The following BANP variants were observed in gnomAD, a reference collection of about 807,000 sequenced individuals.
The protein encoded by BANP is BTG3 associated nuclear protein.
In BANP, 11 loss-of-function variants were observed where a neutral mutation model predicts 68.1. The observed-to-expected ratio is 0.16, with a 90% confidence interval of 0.10 to 0.27. The LOEUF (loss-of-function observed/expected upper bound fraction) is 0.27. Among genes scored for constraint, BANP ranks in the 10% least tolerant of loss-of-function variants. The pLI is 1.00. For synonymous variants in BANP, 329 were observed against 303.2 expected (o/e 1.09, Z -0.88); for missense variants, 504 against 722.7 (o/e 0.70, Z 3.47).
At chr16:88,008,221 C>T (rs1268495179) in intron 6 of BANP, among the ~76,000 whole-genome samples, 2 of 152,148 alleles carry the variant, frequency 1.3e-5, no homozygotes, top group African/African-American at 4.8e-5. Context: ...GATCCATCAT[C>T]AGTTGATGGG....
In BANP at chr16:87,961,411, C is replaced by CCCCCT. The variant is rs1555533474; in HGVS notation, c.-69+9900_-69+9901insTCCCC. On this transcript the variant is annotated intron_variant, in intron 1 of 13. Transcript: ENST00000682872. ...ACTCCTGGACTCACAGAATCTGCAC[C>CCCCCT]CCCCCGGGCCTCCCAAAGTGCTGGG... Among the ~76,000 whole-genome samples, 9 of 141,644 alleles carry CCCCCT rather than the reference C, an allele frequency of 6.4e-5. 2 individuals carry two copies. Among genetic ancestry groups the CCCCCT allele is most frequent in the Middle Eastern group, 7.1e-3 (2 of 282 alleles). The allele number at this position is 141,644 out of a possible 152,430, so 92.9% of individuals were successfully genotyped here. A position where few individuals can be genotyped will look rare whatever the true frequency, so the allele number is the denominator to read the frequency against.
At chr16:88,009,273 G>C (rs1183557505) in intron 6 of BANP, among the ~76,000 whole-genome samples, 1 of 152,208 alleles carries the variant, frequency 6.6e-6, no homozygotes, top group Non-Finnish European at 1.5e-5. Context: ...AGGAATATGG[G>C]AAGTGCTAAA....
intron 8 of BANP, among the ~76,000 whole-genome samples, chr16:88,031,685 AC>A (rs1265388690): frequency 6.6e-6 from 1 of 151,826 alleles, no homozygotes; most frequent in Non-Finnish European, 1.5e-5. Flanking sequence ...TTTTATTGTT[AC>A]TTTAAAAAAT....
chr16:88,001,647 A>G (rs1415422923), intron 4 of BANP, among the ~76,000 whole-genome samples: 3 of 152,230 alleles, frequency 2.0e-5, no homozygotes, highest in African/African-American at 7.2e-5. Flanking sequence ...TATAATATTG[A>G]TCTTTAAAAA....
chr16:88,006,156 C>T lies in BANP; in HGVS notation c.546C>T (p.His182=), dbSNP rs543231944. Reference sequence around the variant, plus strand: ...TGCCGGGCCAAGAAGACAGCCACCACGAGGACGGGGAGAGCGGCTCGGAGG... The same window carrying T: ...TGCCGGGCCAAGAAGACAGCCACCATGAGGACGGGGAGAGCGGCTCGGAGG... ...VKVPGQEDSH[H]EDGESGSEAS... The change falls in exon 6 of 14, where the codon CAC becomes CAT. Residue 182 remains histidine, a synonymous_variant. Coordinates refer to ENST00000682872, the MANE Select transcript of BANP (RefSeq NM_001386991.1). 318 of 1,614,032 alleles carry T rather than the reference C, an allele frequency of 2.0e-4. 5 individuals carry two copies. The South Asian group carries it at 3.1e-3, about 16-fold the overall frequency.
intron 4 of BANP, among the ~76,000 whole-genome samples, chr16:88,001,539 C>A (rs1181181315): frequency 6.6e-6 from 1 of 152,186 alleles, no homozygotes; most frequent in African/African-American, 2.4e-5. Context: ...AAAAAGTATT[C>A]TTTTGTGCAA....
chr16:88,015,632 T>C (rs1057126237), intron 6 of BANP, among the ~76,000 whole-genome samples: 2 of 152,232 alleles, frequency 1.3e-5, no homozygotes, highest in African/African-American at 4.8e-5. Flanking sequence ...TGAGGTCAGC[T>C]CTACCCCTGC....
intron 6 of BANP, among the ~76,000 whole-genome samples, chr16:88,016,374 C>T (rs1337842014): frequency 1.3e-5 from 2 of 152,254 alleles, no homozygotes; most frequent in Non-Finnish European, 2.9e-5. Context: ...ATGACCATCT[C>T]TAGCCATGGT....
In BANP at chr16:88,071,884, G is replaced by A. The variant is rs1415324864; in HGVS notation, c.1378-185G>A. 1 of 783,388 alleles carries A rather than the reference G, an allele frequency of 1.3e-6. No homozygotes were observed. Among genetic ancestry groups the A allele is most frequent in the South Asian group, 1.5e-5 (1 of 68,250 alleles). 48.5% of individuals were successfully genotyped at this position (783,388 alleles called of 1,614,324 possible). The stretch of plus-strand genomic sequence containing the variant: ...ATGGCACTCTCTCACTGGATCTGAT[G>A]CGACTTGAGAGCGATGGGGAGACAG... On this transcript the variant is annotated intron_variant, in intron 12 of 13. Transcript: ENST00000682872. The surrounding 1 kb of genome is among the most constrained non-coding windows in gnomAD (Gnocchi z 6.5).
chr16:87,994,154 G>A (rs1022392664), intron 4 of BANP, among the ~76,000 whole-genome samples: 1 of 152,220 alleles, frequency 6.6e-6, no homozygotes, highest in Admixed American at 6.5e-5. Flanking sequence ...AGGGCCCTGG[G>A]CGGCTTTTCA....
At chr16:87,999,191 C>T (rs1474540175) in intron 4 of BANP, among the ~76,000 whole-genome samples, 12 of 136,884 alleles carry the variant, frequency 8.8e-5, no homozygotes, top group Admixed American at 2.2e-4. Flanking sequence ...CCCGCACGTG[C>T]GCGGCTGTAC....
Position 88,004,424 on chromosome 16 carries a change from G to C in BANP, c.479+13G>C. ...ATGTCATTAGCAAGTCAGTAGCACG[G>C]CACCAACCCCACCTTTCCCTGCCAC... On this transcript the variant is annotated intron_variant, in intron 5 of 13. Coordinates refer to ENST00000682872, the MANE Select transcript of BANP (RefSeq NM_001386991.1). This position sits in a 1 kb window ranked among gnomAD's most constrained non-coding sequence, Gnocchi z 7.0. 1.4e-6 allele frequency: 2 copies of C among 1,398,270 alleles called. No homozygotes were observed. The highest frequency in any genetic ancestry group is 9.8e-7 in the Non-Finnish European group (1 of 1,018,296). 86.6% of individuals were successfully genotyped at this position (1,398,270 alleles called of 1,614,324 possible).
intron 1 of BANP, among the ~76,000 whole-genome samples, chr16:87,970,883 G>A (rs2060980010): frequency 6.6e-6 from 1 of 152,088 alleles, no homozygotes; most frequent in African/African-American, 2.4e-5. Context: ...CAGGTGTGCT[G>A]GTGGGCACCT....
At chr16:88,033,443 C>T (rs894681646) in intron 9 of BANP, among the ~76,000 whole-genome samples, 198 bp downstream of exon 9, 3 of 152,154 alleles carry the variant, frequency 2.0e-5, no homozygotes, top group African/African-American at 7.2e-5. Flanking sequence ...GCGGCTGCTG[C>T]AGAGCCTAGG....
At chr16:88,006,441 G>A (rs377350139) in intron 6 of BANP, among the ~76,000 whole-genome samples, 176 bp downstream of exon 6, 1 of 151,836 alleles carries the variant, frequency 6.6e-6, no homozygotes, top group African/African-American at 2.4e-5. Context: ...GAAGTCGGGA[G>A]TTCGAGACCA....
intron 1 of BANP, among the ~76,000 whole-genome samples, chr16:87,958,542 GC>G (rs1457590229): frequency 1.3e-5 from 2 of 152,018 alleles, no homozygotes; most frequent in Non-Finnish European, 2.9e-5. Flanking sequence ...TTTTTAAAAG[GC>G]CATCCACTGG....
rs529437380 is a variant in BANP, at chr16:88,036,604, G to A, written c.1272+1210G>A. ...GTTATCCTGAGAGGGGAGCACATGC[G>A]TAAGGGTTCTGAGGGCGGAATGAGG... On this transcript the variant is annotated intron_variant, in intron 10 of 13. Coordinates refer to ENST00000682872, the MANE Select transcript of BANP (RefSeq NM_001386991.1). The surrounding 1 kb of genome is among the most constrained non-coding windows in gnomAD (Gnocchi z 4.2). 6.6e-5 allele frequency among the ~76,000 whole-genome samples: 10 copies of A among 152,272 alleles called. No individual in the cohort carries two copies. In the East Asian group the frequency reaches 7.7e-4, roughly 12 times the overall value.
chr16:88,071,540 C>G lies in BANP; in HGVS notation c.1378-529C>G, dbSNP rs1258329546. Reference sequence around the variant, plus strand: ...CATCTTGGAACTGGGCCTCACTTTCCTGCGAGCTTCTGCTGGGTTCTCAGT... The same window carrying G: ...CATCTTGGAACTGGGCCTCACTTTCGTGCGAGCTTCTGCTGGGTTCTCAGT... On this transcript the variant is annotated intron_variant, in intron 12 of 13. Coordinates refer to ENST00000682872, the MANE Select transcript of BANP (RefSeq NM_001386991.1). The surrounding 1 kb of genome is among the most constrained non-coding windows in gnomAD (Gnocchi z 6.5). The G allele has an allele frequency of 2.2e-6, 1 of 456,630 alleles. No homozygotes were observed. The highest frequency in any genetic ancestry group is 2.3e-5 in the Admixed American group (1 of 42,586). 28.3% of individuals were successfully genotyped at this position (456,630 alleles called of 1,614,324 possible).
At chr16:88,051,919 A>C (rs972699117) in intron 11 of BANP, among the ~76,000 whole-genome samples, 1 of 152,142 alleles carries the variant, frequency 6.6e-6, no homozygotes, top group African/African-American at 2.4e-5. Flanking sequence ...CATTTGTTTG[A>C]GGAGTTTAAG....
Sources: gnomAD v4.1 joint callset for allele counts (sites outside exome capture counted in the v4.1 genomes callset) on GRCh38, gnomAD v4.1.1 for gene constraint, Gnocchi (gnomAD v3.1) non-coding constraint, MANE v1.5 for transcripts, NCBI Gene and HGNC (gene_info 2026-07-23, HGNC 2026-07-21) for gene names.